Variants in MAML2 observed in about 807,000 individuals in gnomAD.
MAML2 encodes the protein mastermind-like protein 2.
A neutral mutation model predicts 96.1 loss-of-function variants in MAML2; 22 were observed. That is an observed-to-expected ratio of 0.23 (90% CI 0.16 to 0.33). MAML2 has a LOEUF of 0.33. MAML2 is among the 10% of genes least tolerant of loss of function. The pLI is 1.00. For synonymous variants in MAML2, 561 were observed against 521.3 expected (o/e 1.08, Z -1.04); for missense variants, 1,367 against 1,392.4 (o/e 0.98, Z 0.29).
At chr11:96,135,932 C>A (rs569294178) in intron 1 of MAML2, among the ~76,000 whole-genome samples, 14 of 151,866 alleles carry the variant, frequency 9.2e-5, no homozygotes, top group Admixed American at 7.2e-4. Flanking sequence ...GCTTGGGACA[C>A]AGTAGATACT....
intron 1 of MAML2, among the ~76,000 whole-genome samples, chr11:96,304,344 T>C (rs1402877912): frequency 6.6e-6 from 1 of 152,206 alleles, no homozygotes; most frequent in African/African-American, 2.4e-5. Context: ...AGCTTGGAAT[T>C]TGGGGTGCCA....
At chr11:96,247,984 G>A (rs554347588) in intron 1 of MAML2, among the ~76,000 whole-genome samples, 1 of 152,094 alleles carries the variant, frequency 6.6e-6, no homozygotes, top group South Asian at 2.1e-4. Flanking sequence ...TGCTGTTAGT[G>A]TAAAATGTAC....
chr11:96,081,446 G>A (rs906570646), intron 2 of MAML2, among the ~76,000 whole-genome samples: 4 of 151,902 alleles, frequency 2.6e-5, no homozygotes, highest in African/African-American at 7.3e-5. Flanking sequence ...GATGATAAAT[G>A]TACCTTTGAA....
intron 2 of MAML2, among the ~76,000 whole-genome samples, chr11:96,020,129 G>A (rs1337825133): frequency 4.6e-5 from 7 of 152,174 alleles, no homozygotes; most frequent in Non-Finnish European, 1.0e-4. Flanking sequence ...AGGGGGAAAA[G>A]GAAGAGTAAT....
chr11:96,166,177 T>TCACACA lies in MAML2; in HGVS notation c.514-72666_514-72661dup, dbSNP rs1555018442. Among the ~76,000 whole-genome samples, 1,081 of 110,330 alleles carry TCACACA rather than the reference T, an allele frequency of 9.8e-3. 16 individuals are homozygous for TCACACA. The highest frequency in any genetic ancestry group is 0.03 in the African/African-American group (845 of 28,614). The allele number at this position is 110,330 out of a possible 152,430, so 72.4% of individuals were successfully genotyped here. A position where few individuals can be genotyped will look rare whatever the true frequency, so the allele number is the denominator to read the frequency against. Reference sequence around the variant, plus strand: ...CTGTCTCTCTCTCTCTCTCTCTCTCTCACACACACACACACACACACACAC... The same window carrying TCACACA: ...CTGTCTCTCTCTCTCTCTCTCTCTCTCACACACACACACACACACACACACACACAC... On this transcript the variant is annotated intron_variant, in intron 1 of 4. Transcript: ENST00000524717.
At chr11:96,277,984 G>A (rs1286276544) in intron 1 of MAML2, among the ~76,000 whole-genome samples, 6 of 150,120 alleles carry the variant, frequency 4.0e-5, no homozygotes, top group Non-Finnish European at 8.8e-5. Context: ...AGAATCATCT[G>A]GAGGACTTGT....
At chr11:95,984,329 A>T (rs1421304556) in intron 4 of MAML2, among the ~76,000 whole-genome samples, 1 of 152,200 alleles carries the variant, frequency 6.6e-6, no homozygotes, top group Non-Finnish European at 1.5e-5. Flanking sequence ...CCCAACATTA[A>T]CCAACACATG....
intron 2 of MAML2, among the ~76,000 whole-genome samples, chr11:96,050,360 T>C (rs1375034581): frequency 6.6e-6 from 1 of 152,198 alleles, no homozygotes; most frequent in African/African-American, 2.4e-5. Context: ...CTGGCAAATA[T>C]GGCCATGCCT....
intron 2 of MAML2, among the ~76,000 whole-genome samples, chr11:96,004,902 A>T (rs982897375): frequency 1.3e-5 from 2 of 152,192 alleles, no homozygotes; most frequent in Non-Finnish European, 2.9e-5. Flanking sequence ...GTAGTGGCAC[A>T]AGAGGTGAGC....
intron 1 of MAML2, among the ~76,000 whole-genome samples, chr11:96,282,769 A>G (rs922057007): frequency 1.3e-5 from 2 of 152,236 alleles, no homozygotes; most frequent in Admixed American, 1.3e-4. Flanking sequence ...AATTTGTACT[A>G]CATTTCAGAG....
intron 2 of MAML2, among the ~76,000 whole-genome samples, chr11:96,081,209 CATT>C (rs1382022506): frequency 9.8e-5 from 15 of 152,312 alleles, no homozygotes; most frequent in African/African-American, 3.6e-4. Flanking sequence ...CTTCCGAAAA[CATT>C]ATACCTATAA....
chr11:96,279,215 T>C (rs1228675413), intron 1 of MAML2, among the ~76,000 whole-genome samples: 1 of 152,168 alleles, frequency 6.6e-6, no homozygotes, highest in African/African-American at 2.4e-5. Context: ...TATGTAGGCT[T>C]AGAGCACAGG....
At chr11:96,316,145 G>A (rs1446185868) in intron 1 of MAML2, among the ~76,000 whole-genome samples, 2 of 152,144 alleles carry the variant, frequency 1.3e-5, no homozygotes, top group Admixed American at 6.5e-5. Flanking sequence ...GGATTTGTTA[G>A]GGAAAACAGA....
intron 2 of MAML2, among the ~76,000 whole-genome samples, chr11:96,062,859 T>A (rs1859187284): frequency 6.6e-6 from 1 of 152,076 alleles, no homozygotes; most frequent in Non-Finnish European, 1.5e-5. Context: ...TCTGCCGCCA[T>A]GAGATTATAT....
chr11:96,206,591 C>G (rs757654561), intron 1 of MAML2, among the ~76,000 whole-genome samples: 11 of 152,230 alleles, frequency 7.2e-5, no homozygotes, highest in Middle Eastern at 3.4e-3. Flanking sequence ...GAGCGAGACT[C>G]CATCTCAAAA....
intron 2 of MAML2, among the ~76,000 whole-genome samples, chr11:96,018,358 AC>A (rs1858386907): frequency 6.6e-6 from 1 of 152,172 alleles, no homozygotes; most frequent in South Asian, 2.1e-4. Context: ...AGAAATATAG[AC>A]TAGAAATAGA....
chr11:96,336,366 C>T (rs777779860), intron 1 of MAML2, among the ~76,000 whole-genome samples: 2 of 152,138 alleles, frequency 1.3e-5, no homozygotes, highest in Non-Finnish European at 2.9e-5. Context: ...CAGTTTTGGT[C>T]CATTCTACCT....
chr11:96,072,154 C>A (rs1282739826), intron 2 of MAML2, among the ~76,000 whole-genome samples: 1 of 152,124 alleles, frequency 6.6e-6, no homozygotes, highest in Non-Finnish European at 1.5e-5. Context: ...TCTCTGGCTA[C>A]CATTATTTCC....
At chr11:95,981,506 G>A (rs1253425206) in intron 4 of MAML2, among the ~76,000 whole-genome samples, 1 of 152,132 alleles carries the variant, frequency 6.6e-6, no homozygotes, top group Non-Finnish European at 1.5e-5. Flanking sequence ...GTAAACGTGG[G>A]CTATCCCCTG....
Sources: allele counts gnomAD v4.1 joint callset (sites outside exome capture counted in the v4.1 genomes callset), GRCh38; gene constraint gnomAD v4.1.1; transcripts MANE v1.5; gene names NCBI Gene and HGNC (gene_info 2026-07-23, HGNC 2026-07-21).